The following WDR18 variants were observed in gnomAD, a reference collection of about 807,000 sequenced individuals.
The protein encoded by WDR18 is WD repeat domain 18.
In WDR18, 33 loss-of-function variants were observed where a neutral mutation model predicts 49.6. The ratio of observed to expected loss-of-function variants is 0.67; its 90% confidence interval spans 0.50 to 0.89. WDR18 has a LOEUF of 0.89. Ranked by LOEUF, WDR18 falls within the 40% of genes least tolerant of loss-of-function variation. The probability of loss-of-function intolerance (pLI) is 0.00; values close to 1 mark genes in which losing one functional copy is unlikely to be tolerated. For missense variants in WDR18, 653 were observed against 593.6 expected (o/e 1.10, Z -1.04); for synonymous variants, 315 against 263.6 (o/e 1.19, Z -1.89).
intron 3 of WDR18, 153 bp downstream of exon 3, chr19:990,048 C>T: frequency 1.4e-6 from 2 of 1,401,936 alleles, no homozygotes; most frequent in Non-Finnish European, 1.9e-6. Context: ...TGGCTGCCCA[C>T]ACTGGGGTCT....
chr19:991,832 T>TGGACTGGCTGTGGGGCGG, intron 7 of WDR18, 123 bp from the exon 8 acceptor site: 1 of 931,790 alleles, frequency 1.1e-6, no homozygotes, highest in Non-Finnish European at 1.3e-6. Flanking sequence ...GCTGGGGGCG[T>TGGACTGGCTGTGGGGCGG]GGACTGGCTG....
upstream of WDR18, chr19:984,192 C>A: frequency 1.3e-6 from 1 of 764,602 alleles, no homozygotes. Flanking sequence ...CTCAGGTAAG[C>A]GGGAAATCCC....
Position 985,992 on chromosome 19 carries a change from G to C in WDR18, c.321+17G>C, listed in dbSNP as rs374775250. On this transcript the variant is annotated intron_variant, in intron 2 of 9. Transcript: ENST00000585809. ...CTGTGGGAGGTAAGAGGAGCAAAGCGTGAGCGTTTCCCACAGGACATCTCA... is the reference window on the plus strand; with the variant it reads ...CTGTGGGAGGTAAGAGGAGCAAAGCCTGAGCGTTTCCCACAGGACATCTCA... 6.2e-7 allele frequency: 1 copy of C among 1,610,776 alleles called. No individual in the cohort carries two copies. The highest frequency in any genetic ancestry group is 8.5e-7 in the Non-Finnish European group (1 of 1,177,590).
At chr19:983,462 A>G (rs1336028996), upstream of WDR18, among the ~76,000 whole-genome samples, 2 of 151,190 alleles carry the variant, frequency 1.3e-5, no homozygotes, top group South Asian at 2.1e-4. Context: ...GGGTTTCGCC[A>G]TGTTGGCCAG....
rs779533775 is a variant in WDR18 at position 990,958 on chromosome 19, G to A, written c.704G>A (p.Ser235Asn). 26 of 1,611,918 alleles carry A rather than the reference G, an allele frequency of 1.6e-5. No homozygotes were observed. The South Asian group carries it at 2.6e-4, about 16-fold the overall frequency. Reference protein sequence around the residue: ...LAEHHMFCGGSEGSIFQVDLF... With the variant: ...LAEHHMFCGGNEGSIFQVDLF... ...GAGCACCATATGTTCTGCGGGGGCAGTGAGGGCTCCATCTTCCAGGTCGAC... is the reference window on the plus strand; with the variant it reads ...GAGCACCATATGTTCTGCGGGGGCAATGAGGGCTCCATCTTCCAGGTCGAC... Residue 235 changes from serine (S) to asparagine (N), a missense_variant, in exon 5 of 10, where the codon AGT (serine) becomes AAT (asparagine). Transcript: ENST00000585809.
At chr19:990,399 G>C (rs752495166) in intron 4 of WDR18, 35 bp downstream of exon 4, 5 of 1,486,056 alleles carry the variant, frequency 3.4e-6, no homozygotes, top group Non-Finnish European at 4.5e-6. Flanking sequence ...GTCCATGAGC[G>C]GAGCCCAGCA....
rs1240900377 is a variant in WDR18, at chr19:984,390, T to C, written c.37T>C (p.Ser13Pro). Residue 13 changes from serine to proline, a missense_variant, in exon 1 of 10, where the codon TCG becomes CCG. Coordinates refer to ENST00000585809, the MANE Select transcript of WDR18 (RefSeq NM_024100.4). ...APMEVAVCTD[S>P]AAPMWSCIVW... Reference sequence around the variant, plus strand: ...CATGGAGGTGGCCGTGTGTACGGACTCGGCGGCCCCGATGTGGAGCTGCAT... The same window carrying C: ...CATGGAGGTGGCCGTGTGTACGGACCCGGCGGCCCCGATGTGGAGCTGCAT... 1.9e-6 allele frequency: 3 copies of C among 1,601,136 alleles called. No homozygotes were observed. Among genetic ancestry groups the C allele is most frequent in the Non-Finnish European group, 2.6e-6 (3 of 1,175,680 alleles).
rs1471359548 is a variant in WDR18 at position 984,367 on chromosome 19, T to G, written c.14T>G (p.Met5Arg). 6.3e-7 allele frequency: 1 copy of G among 1,591,954 alleles called. No individual in the cohort carries two copies. Among genetic ancestry groups the G allele is most frequent in the East Asian group, 2.4e-5 (1 of 41,824 alleles). ...GGGGAAGGCAAGATGGCGGCGCCCA[T>G]GGAGGTGGCCGTGTGTACGGACTCG... MAAP[M>R]EVAVCTDSAA... Residue 5 changes from methionine to arginine, a missense_variant, in exon 1 of 10, where the codon ATG becomes AGG. Met to Arg is a moderately conservative substitution (Grantham distance 91, BLOSUM62 -1). Coordinates refer to ENST00000585809, the MANE Select transcript of WDR18 (RefSeq NM_024100.4).
At position 992,111 on chromosome 19, in the gene WDR18, T is replaced by C; in HGVS notation, c.1088T>C (p.Leu363Pro). The change falls in exon 8 of 10, where the codon CTC becomes CCC. Residue 363 changes from leucine (L) to proline (P), a missense_variant. By Grantham distance (98) the Leu-to-Pro change is moderately conservative. Transcript: ENST00000585809. ...RHGGLTLRLG[L>P]HQQGSEPSYL... ...GGGGGCCTCACTCTGCGCCTGGGCC[T>C]CCACCAGCAGGTACGGCCCCCAGCA... is the stretch of plus-strand genomic sequence containing the variant. 1 of 1,489,468 alleles carries C rather than the reference T, an allele frequency of 6.7e-7. No homozygotes were observed. The highest frequency in any genetic ancestry group is 8.9e-7 in the Non-Finnish European group (1 of 1,124,666). 92.3% of individuals were successfully genotyped at this position (1,489,468 alleles called of 1,614,324 possible).
At chr19:991,822 G>A (rs1487421643) in intron 7 of WDR18, 133 bp from the exon 8 acceptor site, 4 of 1,027,300 alleles carry the variant, frequency 3.9e-6, no homozygotes, top group South Asian at 3.8e-5. Flanking sequence ...GCGGGGCCTG[G>A]CTGGGGGCGT....
upstream of WDR18, chr19:984,287 C>A: frequency 1.4e-6 from 2 of 1,437,642 alleles, no homozygotes; most frequent in Non-Finnish European, 1.8e-6. Flanking sequence ...GCCGCTCTGG[C>A]CCGCGTGGGG....
At position 984,532 on chromosome 19, in the gene WDR18, A is replaced by C; in HGVS notation, c.179A>C (p.Asn60Thr). The C allele has an allele frequency of 6.5e-7, 1 of 1,531,984 alleles. No homozygotes were observed. Among genetic ancestry groups the C allele is most frequent in the South Asian group, 1.2e-5 (1 of 81,900 alleles). 94.9% of individuals were successfully genotyped at this position (1,531,984 alleles called of 1,614,324 possible). Residue 60 changes from asparagine to threonine, a missense_variant, in exon 1 of 10, where the codon AAT (asparagine) becomes ACT (threonine). Asn to Thr is a moderately conservative substitution (Grantham distance 65). Coordinates refer to ENST00000585809, the MANE Select transcript of WDR18 (RefSeq NM_024100.4). ...CTGCTGGCGGCGCAGCTGGGCAAGA[A>C]TTACATCAGCGCCTGGGAGCTCCAG... ...EYLLAAQLGK[N>T]YISAWELQRK...
Position 985,940 on chromosome 19 carries a change from C to G in WDR18, c.286C>G (p.Leu96Val). ...LTASPNGLYV[L>V]AGVAESIHLW... ...TGCATCACCCAATGGTCTCTACGTC[C>G]TGGCAGGAGTTGCAGAAAGCATCCA... Residue 96 changes from leucine (L) to valine (V), a missense_variant, in exon 2 of 10, where the codon CTG becomes GTG. Transcript: ENST00000585809. 4 of 1,613,864 alleles carry G rather than the reference C, an allele frequency of 2.5e-6. No individual in the cohort carries two copies. Among genetic ancestry groups the G allele is most frequent in the Non-Finnish European group, 3.4e-6 (4 of 1,179,974 alleles).
At position 991,091 on chromosome 19, in the gene WDR18, G is replaced by C; in HGVS notation, c.752G>C (p.Arg251Thr). Reference sequence around the variant, plus strand: ...TCTCGGCCTTCGCAGCCCGGACAGAGGGAGAGGAGCTTCCACCCAGAGCAG... The same window carrying C: ...TCTCGGCCTTCGCAGCCCGGACAGACGGAGAGGAGCTTCCACCCAGAGCAG... ...QVDLFTWPGQ[R>T]ERSFHPEQDA... Residue 251 changes from arginine to threonine, a missense_variant, in exon 6 of 10, where the codon AGG becomes ACG. Physicochemically the swap from Arg to Thr is moderately conservative, Grantham distance 71 (BLOSUM62 -1). Coordinates refer to ENST00000585809, the MANE Select transcript of WDR18 (RefSeq NM_024100.4). 1 of 1,602,032 alleles carries C rather than the reference G, an allele frequency of 6.2e-7. No homozygotes were observed. Among genetic ancestry groups the C allele is most frequent in the Non-Finnish European group, 8.5e-7 (1 of 1,174,812 alleles).
Position 994,222 on chromosome 19 carries a change from G to C in WDR18, c.1177G>C (p.Gly393Arg), listed in dbSNP as rs1218435774. ...LCSTMEKSVL[G>R]GQDQLRVRVT... ...CCGACTTCTCCCGCAGAGCGTGCTC[G>C]GCGGCCAGGACCAGCTGCGCGTCCG... Residue 393 changes from glycine (G) to arginine (R), a missense_variant, in exon 10 of 10, where the codon GGC becomes CGC. Physicochemically the swap from Gly to Arg is moderately radical, Grantham distance 125. Coordinates refer to ENST00000585809, the MANE Select transcript of WDR18 (RefSeq NM_024100.4). The C allele has an allele frequency of 1.9e-6, 3 of 1,603,002 alleles. No homozygotes were observed. Among genetic ancestry groups the C allele is most frequent in the East Asian group, 2.2e-5 (1 of 44,566 alleles).
intron 4 of WDR18, 176 bp from the exon 5 acceptor site, chr19:990,676 C>G: frequency 9.9e-7 from 1 of 1,010,314 alleles, no homozygotes; most frequent in Non-Finnish European, 1.4e-6. Context: ...AGCTCCATTT[C>G]AGCACAGGCC....
rs2038467619 is a variant in WDR18 at position 985,717 on chromosome 19, T to C, written c.211-148T>C. On this transcript the variant is annotated intron_variant, in intron 1 of 9. Coordinates refer to ENST00000585809, the MANE Select transcript of WDR18 (RefSeq NM_024100.4). ...GGGCGAACACTTCCTTGCTGGACCA[T>C]GCATTTGCTCAAACCACCCTGCTCC... 4 of 650,990 alleles carry C rather than the reference T, an allele frequency of 6.1e-6. No individual in the cohort carries two copies. In the Admixed American group the frequency reaches 7.5e-5, roughly 12 times the overall value. 40.3% of individuals were successfully genotyped at this position (650,990 alleles called of 1,614,324 possible). A position where few individuals can be genotyped will look rare whatever the true frequency, so the allele number is the denominator to read the frequency against.
chr19:990,139 T>G, intron 3 of WDR18, 84 bp from the exon 4 acceptor site: 1 of 1,457,126 alleles, frequency 6.9e-7, no homozygotes, highest in East Asian at 2.4e-5. Flanking sequence ...GAGGCAGGTG[T>G]GTGCGTGAGG....
chr19:992,085 C>A lies in WDR18; in HGVS notation c.1062C>A (p.His354Gln). ...LGAEHGDEPR[H>Q]GGLTLRLGLH... ...CCGAGCACGGGGACGAGCCGCGCCA[C>A]GGGGGCCTCACTCTGCGCCTGGGCC... The change falls in exon 8 of 10, where the codon CAC becomes CAA. Residue 354 changes from histidine (H) to glutamine (Q), a missense_variant. By Grantham distance (24) the His-to-Gln change is conservative. Coordinates refer to ENST00000585809, the MANE Select transcript of WDR18 (RefSeq NM_024100.4). The A allele has an allele frequency of 6.5e-7, 1 of 1,549,724 alleles. No homozygotes were observed.
Sources: allele counts gnomAD v4.1 joint callset (sites outside exome capture counted in the v4.1 genomes callset), GRCh38; gene constraint gnomAD v4.1.1; transcripts MANE v1.5; gene names NCBI Gene and HGNC (gene_info 2026-07-23, HGNC 2026-07-21).